Variants in PTPRM observed in about 807,000 individuals in gnomAD.
PTPRM encodes the protein receptor-type tyrosine-protein phosphatase mu.
A neutral mutation model predicts 186.7 loss-of-function variants in PTPRM; 47 were observed. That is an observed-to-expected ratio of 0.25 (90% CI 0.20 to 0.32). The LOEUF (loss-of-function observed/expected upper bound fraction) is 0.32, where lower values mean the gene tolerates loss of function less well. PTPRM is among the 10% of genes least tolerant of loss of function. The probability of loss-of-function intolerance (pLI) is 1.00; values close to 1 mark genes in which losing one functional copy is unlikely to be tolerated. For synonymous variants in PTPRM, 668 were observed against 674.9 expected, an observed-to-expected ratio of 0.99 and a Z score of 0.16; for missense variants, 1,494 against 1,865.0, an observed-to-expected ratio of 0.80 and a Z score of 3.66.
intron 1 of PTPRM, among the ~76,000 whole-genome samples, chr18:7,758,961 A>G (rs1207141603): frequency 6.6e-6 from 1 of 152,144 alleles, no homozygotes; most frequent in African/African-American, 2.4e-5. Flanking sequence ...GGATGAAGTA[A>G]CTGTCGGAGG....
At chr18:7,609,520 C>CTT (rs11444902) in intron 1 of PTPRM, among the ~76,000 whole-genome samples, 369 of 139,354 alleles carry the variant, frequency 2.6e-3, no homozygotes, top group African/African-American at 8.5e-3. Flanking sequence ...TGCCTGTCTC[C>CTT]TTTTTTTTTT....
At chr18:8,094,844 A>G (rs951069847) in intron 11 of PTPRM, among the ~76,000 whole-genome samples, 3 of 152,140 alleles carry the variant, frequency 2.0e-5, no homozygotes, top group East Asian at 1.9e-4. Context: ...TTATGGGCCT[A>G]ATTTTTAAAA....
intron 23 of PTPRM, among the ~76,000 whole-genome samples, chr18:8,352,652 G>GTTTTTTTTTTTTTTTTTTTTTTTTTTTT (rs142090056): frequency 2.0e-5 from 2 of 102,224 alleles, no homozygotes; most frequent in African/African-American, 3.3e-5. Context: ...TTTTTGGTTT[G>GTTTTTTTTTTTTTTTTTTTTTTTTTTTT]GTTTTTTTTG....
intron 1 of PTPRM, among the ~76,000 whole-genome samples, chr18:7,600,047 C>G (rs923447272): frequency 6.6e-6 from 1 of 152,140 alleles, no homozygotes; most frequent in Non-Finnish European, 1.5e-5. Context: ...AATGCTTGAC[C>G]CTGCTTTCTT....
chr18:7,977,421 T>C (rs551792557), intron 7 of PTPRM, among the ~76,000 whole-genome samples: 9 of 152,100 alleles, frequency 5.9e-5, no homozygotes, highest in African/African-American at 1.9e-4. Context: ...TGGCATGCAC[T>C]TCACCGTAGG....
At chr18:7,962,367 T>C (rs1250033124) in intron 7 of PTPRM, among the ~76,000 whole-genome samples, 2 of 152,238 alleles carry the variant, frequency 1.3e-5, no homozygotes, top group East Asian at 3.8e-4. Flanking sequence ...GTGGGAATTT[T>C]GTACTAAATA....
chr18:8,227,139 G>A (rs182797216), intron 14 of PTPRM, among the ~76,000 whole-genome samples: 139 of 152,280 alleles, frequency 9.1e-4, no homozygotes, highest in African/African-American at 2.9e-3. Context: ...GACTTTTGTC[G>A]TTACTTTTAA....
At chr18:7,644,417 T>C (rs1027440527) in intron 1 of PTPRM, among the ~76,000 whole-genome samples, 2 of 152,182 alleles carry the variant, frequency 1.3e-5, no homozygotes, top group Admixed American at 1.3e-4. Flanking sequence ...CTAAACACAG[T>C]AGAATTGTAC....
intron 14 of PTPRM, among the ~76,000 whole-genome samples, chr18:8,172,265 C>CTTTTT (rs869079652): frequency 7.3e-6 from 1 of 137,830 alleles, no homozygotes; most frequent in Non-Finnish European, 1.6e-5. Flanking sequence ...AAGTCTTGAC[C>CTTTTT]TTTTTTTTTT....
intron 13 of PTPRM, among the ~76,000 whole-genome samples, chr18:8,117,347 A>G (rs1600663622): frequency 6.6e-6 from 1 of 152,210 alleles, no homozygotes; most frequent in East Asian, 1.9e-4. Context: ...TTGCTTTCCT[A>G]AGCAACATTT....
Position 7,887,918 on chromosome 18 carries a change from G to C in PTPRM, c.197-188G>C, listed in dbSNP as rs2048866017. ...TTCCATTAATACTATGTGCACTCTT[G>C]AGAACATATAGGGGGATGATAGGAG... is the stretch of plus-strand genomic sequence containing the variant. On this transcript the variant is annotated intron_variant, in intron 2 of 32. Coordinates refer to ENST00000580170, the MANE Select transcript of PTPRM (RefSeq NM_001105244.2). The C allele has an allele frequency of 3.8e-6, 3 of 784,634 alleles. No homozygotes were observed. In the East Asian group the frequency reaches 7.3e-5, roughly 19 times the overall value. The allele number at this position is 784,634 out of a possible 1,614,324, so 48.6% of individuals were successfully genotyped here.
intron 1 of PTPRM, 86 bp from the exon 2 acceptor site, chr18:7,774,063 C>A: frequency 1.4e-6 from 2 of 1,381,290 alleles, no homozygotes; most frequent in South Asian, 1.3e-5. Flanking sequence ...AACTTGGCAT[C>A]AAGTCTAAGG....
chr18:7,732,307 T>G (rs1225691166), intron 1 of PTPRM, among the ~76,000 whole-genome samples: 1 of 152,048 alleles, frequency 6.6e-6, no homozygotes. Context: ...TCGAAGGTGG[T>G]GTCTTAAGCA....
chr18:8,286,898 A>G (rs2094962788), intron 19 of PTPRM, among the ~76,000 whole-genome samples: 1 of 152,170 alleles, frequency 6.6e-6, no homozygotes, highest in African/African-American at 2.4e-5. Context: ...TAGGTGTCAA[A>G]AAAAGAGTCA....
At chr18:8,323,542 T>G (rs1165076325) in intron 22 of PTPRM, among the ~76,000 whole-genome samples, 1 of 152,246 alleles carries the variant, frequency 6.6e-6, no homozygotes, top group Non-Finnish European at 1.5e-5. Flanking sequence ...GCGTTACTTT[T>G]TTGAGTTTAG....
chr18:7,730,220 A>G (rs1245205666), intron 1 of PTPRM, among the ~76,000 whole-genome samples: 1 of 151,656 alleles, frequency 6.6e-6, no homozygotes, highest in Non-Finnish European at 1.5e-5. Flanking sequence ...AGGATGATTG[A>G]TGCTGAAAAT....
chr18:8,375,252 A>G (rs2095687618), intron 24 of PTPRM, among the ~76,000 whole-genome samples: 1 of 152,218 alleles, frequency 6.6e-6, no homozygotes, highest in South Asian at 2.1e-4. Context: ...GACCTAGCCT[A>G]GAATTCCAGC....
chr18:7,604,909 A>G (rs1224583558), intron 1 of PTPRM, among the ~76,000 whole-genome samples: 1 of 152,240 alleles, frequency 6.6e-6, no homozygotes, highest in Non-Finnish European at 1.5e-5. Context: ...CTGTGGTAGT[A>G]CACAGTAATT....
At chr18:7,703,663 T>C (rs2040013918) in intron 1 of PTPRM, among the ~76,000 whole-genome samples, 2 of 152,230 alleles carry the variant, frequency 1.3e-5, no homozygotes, top group African/African-American at 4.8e-5. Context: ...ATACCCTTTA[T>C]TTCTTTCTCT....
Sources: gnomAD v4.1 joint callset for allele counts (sites outside exome capture counted in the v4.1 genomes callset) on GRCh38, gnomAD v4.1.1 for gene constraint, MANE v1.5 for transcripts, NCBI Gene and HGNC (gene_info 2026-07-23, HGNC 2026-07-21) for gene names.